The following F13A1 variants were observed in gnomAD, a reference collection of about 807,000 sequenced individuals.
F13A1 encodes coagulation factor XIII A chain.
Under a neutral mutation model 80.1 loss-of-function variants are expected in F13A1, and 47 were observed. The ratio of observed to expected loss-of-function variants is 0.59; its 90% CI spans 0.46 to 0.75. The LOEUF (loss-of-function observed/expected upper bound fraction) is 0.75. Among genes scored for constraint, F13A1 ranks in the 30% least tolerant of loss-of-function variants. The pLI, the probability that F13A1 is intolerant of heterozygous loss-of-function variation, is 0.00. For missense variants in F13A1, 817 were observed against 930.4 expected (o/e 0.88, Z 1.59); for synonymous variants, 349 against 344.9 (o/e 1.01, Z -0.13).
At chr6:6,312,068 T>C (rs1261665362) in intron 2 of F13A1, among the ~76,000 whole-genome samples, 2 of 149,858 alleles carry the variant, frequency 1.3e-5, no homozygotes, top group Non-Finnish European at 3.0e-5. Flanking sequence ...AAGTTATACG[T>C]ATAAAACAAA....
At chr6:6,177,003 C>G (rs1760893008) in intron 11 of F13A1, among the ~76,000 whole-genome samples, 1 of 152,106 alleles carries the variant, frequency 6.6e-6, no homozygotes, top group Non-Finnish European at 1.5e-5. Flanking sequence ...AAGCGCAGGC[C>G]CAGAGAGGAG....
chr6:6,320,224 C>G (rs556496642), intron 1 of F13A1, among the ~76,000 whole-genome samples: 1 of 152,278 alleles, frequency 6.6e-6, no homozygotes, highest in Non-Finnish European at 1.5e-5. Context: ...GTCTAGCAGG[C>G]TGTTCTCACT....
At chr6:6,318,822 T>A in intron 1 of F13A1, 140 bp from the exon 2 acceptor site, 1 of 851,732 alleles carries the variant, frequency 1.2e-6, no homozygotes, top group Non-Finnish European at 1.8e-6. Context: ...TTTGCATAAA[T>A]AAAAACTGAG....
intron 6 of F13A1, among the ~76,000 whole-genome samples, chr6:6,229,002 T>C (rs186511622): frequency 6.6e-6 from 1 of 152,296 alleles, no homozygotes; most frequent in African/African-American, 2.4e-5. Context: ...ATTGTTCATC[T>C]TCTAATACTG....
chr6:6,216,548 A>G lies in F13A1; in HGVS notation c.1112+5485T>C, dbSNP rs200365817. On this transcript the variant is annotated intron_variant, in intron 8 of 14. Coordinates refer to ENST00000264870, the MANE Select transcript of F13A1 (RefSeq NM_000129.4). ...AATTCAAGATGGATTAAAGACTTAA[A>G]CATTAGACCTAAAACCATAAAAACC... Among the ~76,000 whole-genome samples the G allele has an allele frequency of 4.7e-4, 70 of 149,830 alleles. 1 individual carries two copies. The South Asian group carries it at 6.1e-3, about 13-fold the overall frequency.
chr6:6,301,545 C>T (rs1302915483), intron 3 of F13A1, among the ~76,000 whole-genome samples: 1 of 152,186 alleles, frequency 6.6e-6, no homozygotes, highest in Non-Finnish European at 1.5e-5. Context: ...GTTTAGAATA[C>T]ATGTTGGTTT....
chr6:6,263,028 AT>A (rs1757798008), intron 4 of F13A1, among the ~76,000 whole-genome samples: 1 of 152,224 alleles, frequency 6.6e-6, no homozygotes, highest in African/African-American at 2.4e-5. Flanking sequence ...AGCTTCCCAG[AT>A]GATTGCAACG....
chr6:6,244,359 C>CT (rs1394363154), intron 6 of F13A1, among the ~76,000 whole-genome samples: 1 of 152,028 alleles, frequency 6.6e-6, no homozygotes, highest in Non-Finnish European at 1.5e-5. Context: ...AATTGCTTCT[C>CT]TTTTTTTTCT....
At position 6,250,751 on chromosome 6, in the gene F13A1, A is replaced by G. The variant is rs1757620105; in HGVS notation, c.690+60T>C. The G allele has an allele frequency of 9.0e-7, 1 of 1,106,002 alleles. No individual in the cohort carries two copies. Among genetic ancestry groups the G allele is most frequent in the Non-Finnish European group, 1.4e-6 (1 of 719,766 alleles). 68.5% of individuals were successfully genotyped at this position (1,106,002 alleles called of 1,614,324 possible). A position where few individuals can be genotyped will look rare whatever the true frequency, so the allele number is the denominator to read the frequency against. ...GATATATGGGATCCTGTAGGGATAC[A>G]TGTGACAAAAAATATGAAGTAAAAA... On this transcript the variant is annotated intron_variant, in intron 5 of 14. Coordinates refer to ENST00000264870, the MANE Select transcript of F13A1 (RefSeq NM_000129.4). This position sits in a 1 kb window ranked among gnomAD's most constrained non-coding sequence, Gnocchi z 4.2.
In F13A1 at chr6:6,236,589, A is replaced by T. The variant is rs542673850; in HGVS notation, c.798+11723T>A. 5.6e-4 allele frequency among the ~76,000 whole-genome samples: 85 copies of T among 152,146 alleles called. 1 individual carries two copies. The South Asian group carries it at 0.014, about 25-fold the overall frequency. On this transcript the variant is annotated intron_variant, in intron 6 of 14. Coordinates refer to ENST00000264870, the MANE Select transcript of F13A1 (RefSeq NM_000129.4). The stretch of plus-strand genomic sequence containing the variant: ...TAGTTACTATTTCTTTCTGCTTTTT[A>T]AAAAAATATGCAAGGGTACTTTTCT...
rs376147795 is a variant in F13A1, at chr6:6,266,614, C to T, written c.515G>A (p.Arg172Gln). Residue 172 changes from arginine (R) to glutamine (Q), a missense_variant, in exon 4 of 15, where the codon CGA becomes CAA. Arg to Gln is a conservative substitution (Grantham distance 43). Coordinates refer to ENST00000264870, the MANE Select transcript of F13A1 (RefSeq NM_000129.4). ...VAVWTPYGVLRTSRNPETDTY... is the reference protein window; with the variant it reads ...VAVWTPYGVLQTSRNPETDTY... ...GTCTGTTTCTGGGTTTCGACTGGTT[C>T]GAAGTACGCCATAGGGAGTCCAGAC... is the stretch of plus-strand genomic sequence containing the variant. 43 of 1,614,042 alleles carry T rather than the reference C, an allele frequency of 2.7e-5. No homozygotes were observed. Among genetic ancestry groups the T allele is most frequent in the African/African-American group, 8.0e-5 (6 of 74,914 alleles).
At chr6:6,197,184 G>C (rs550488966) in intron 9 of F13A1, 39 bp downstream of exon 9, 20 of 1,583,040 alleles carry the variant, frequency 1.3e-5, no homozygotes, top group Non-Finnish European at 1.7e-5. Flanking sequence ...ACAAAGATCA[G>C]CAATGAAGCA....
rs1435623257 is a variant in F13A1, at chr6:6,214,411, A to G, written c.1112+7622T>C. On this transcript the variant is annotated intron_variant, in intron 8 of 14. Transcript: ENST00000264870. ...CGCTCAACTACGTGGAAACTGAACAACCTGCTCCTGAATGACTACTGGGTA... is the reference window on the plus strand; with the variant it reads ...CGCTCAACTACGTGGAAACTGAACAGCCTGCTCCTGAATGACTACTGGGTA... Among the ~76,000 whole-genome samples, 11 of 145,106 alleles carry G rather than the reference A, an allele frequency of 7.6e-5. No homozygotes were observed. In the East Asian group the frequency reaches 7.8e-4, roughly 10 times the overall value.
chr6:6,256,521 C>A (rs886860636), intron 4 of F13A1, among the ~76,000 whole-genome samples: 7 of 152,226 alleles, frequency 4.6e-5, no homozygotes, highest in African/African-American at 1.7e-4. Context: ...ACCACCCTTG[C>A]AGGCTGACTA....
At chr6:6,283,462 A>G (rs1451098486) in intron 3 of F13A1, among the ~76,000 whole-genome samples, 1 of 152,236 alleles carries the variant, frequency 6.6e-6, no homozygotes, top group Non-Finnish European at 1.5e-5. Flanking sequence ...GTCTTTGCTC[A>G]TAGGTAGTAC....
At chr6:6,181,696 T>C in intron 11 of F13A1, among the ~76,000 whole-genome samples, 1 of 152,220 alleles carries the variant, frequency 6.6e-6, no homozygotes, top group South Asian at 2.1e-4. Context: ...AAAATTAAGG[T>C]TCTTGTGAGC....
intron 3 of F13A1, among the ~76,000 whole-genome samples, chr6:6,290,007 A>T (rs945128853): frequency 6.6e-6 from 1 of 152,158 alleles, no homozygotes; most frequent in Non-Finnish European, 1.5e-5. Flanking sequence ...TCCTACTCAG[A>T]CTGTCCCCTC....
Position 6,299,262 on chromosome 6 carries a change from G to A in F13A1, c.319+6089C>T, listed in dbSNP as rs879402079. 3.5e-3 allele frequency among the ~76,000 whole-genome samples: 377 copies of A among 108,002 alleles called. 1 individual carries two copies. The highest frequency in any genetic ancestry group is 0.021 in the East Asian group (81 of 3,932). 70.9% of individuals were successfully genotyped at this position (108,002 alleles called of 152,430 possible). A position where few individuals can be genotyped will look rare whatever the true frequency, so the allele number is the denominator to read the frequency against. On this transcript the variant is annotated intron_variant, in intron 3 of 14. Transcript: ENST00000264870. Reference sequence around the variant, plus strand: ...TCTTCTCGAGGAGTATCTTTGTGGCGTTCTCTGTATTTCCTGAATCTGAAC... The same window carrying A: ...TCTTCTCGAGGAGTATCTTTGTGGCATTCTCTGTATTTCCTGAATCTGAAC...
At chr6:6,315,965 A>G (rs1758674251) in intron 2 of F13A1, among the ~76,000 whole-genome samples, 1 of 150,318 alleles carries the variant, frequency 6.7e-6, no homozygotes, top group Non-Finnish European at 1.5e-5. Context: ...AACTTGATAT[A>G]TAGTGCCAGA....
Sources: gnomAD v4.1 joint callset for allele counts (sites outside exome capture counted in the v4.1 genomes callset) on GRCh38, gnomAD v4.1.1 for gene constraint, Gnocchi (gnomAD v3.1) non-coding constraint, MANE v1.5 for transcripts, NCBI Gene and HGNC (gene_info 2026-07-23, HGNC 2026-07-21) for gene names.